Variants in CRACDL observed in about 807,000 individuals in gnomAD.
CRACDL encodes CRACD-like protein.
A neutral mutation model predicts 70.6 loss-of-function variants in CRACDL; 26 were observed. The observed-to-expected ratio is 0.37, with a 90% CI of 0.27 to 0.51. The LOEUF (loss-of-function observed/expected upper bound fraction) is 0.51, where lower values mean the gene tolerates loss of function less well. Among genes scored for constraint, CRACDL ranks in the 20% least tolerant of loss-of-function variants. CRACDL has a pLI of 0.94. For missense variants in CRACDL, 1,283 were observed against 1,376.9 expected, an observed-to-expected ratio of 0.93 and a Z score of 1.08; for synonymous variants, 618 against 615.2, an observed-to-expected ratio of 1.00 and a Z score of -0.07.
intron 7 of CRACDL, among the ~76,000 whole-genome samples, chr2:98,816,360 G>C (rs1489718096): frequency 6.6e-6 from 1 of 152,116 alleles, no homozygotes; most frequent in Non-Finnish European, 1.5e-5. Context: ...TAAAGTGGTA[G>C]GATTACGAGG....
rs1705117945 is a variant in CRACDL at position 98,822,657 on chromosome 2, C to T, written c.1616G>A (p.Arg539His). 1.6e-6 allele frequency: 2 copies of T among 1,290,004 alleles called. No individual in the cohort carries two copies. The highest frequency in any genetic ancestry group is 2.0e-6 in the Non-Finnish European group (2 of 1,023,502). The allele number at this position is 1,290,004 out of a possible 1,614,324, so 79.9% of individuals were successfully genotyped here. ...CGCCTCGGCTCGCTCGGCCTTGGGGCGCTCCGGGGCGGCGGCCTCTGCGTC... is the reference window on the plus strand; with the variant it reads ...CGCCTCGGCTCGCTCGGCCTTGGGGTGCTCCGGGGCGGCGGCCTCTGCGTC... Reference protein sequence around the residue: ...SLDAEAAAPERPKAERAEAPP... With the variant: ...SLDAEAAAPEHPKAERAEAPP... Residue 539 changes from arginine to histidine, a missense_variant, in exon 7 of 10, where the codon CGC becomes CAC. By Grantham distance (29) the Arg-to-His change is conservative. Transcript: ENST00000397899. This position sits in a 1 kb window ranked among gnomAD's most constrained non-coding sequence, Gnocchi z 4.9.
intron 5 of CRACDL, among the ~76,000 whole-genome samples, chr2:98,830,929 G>C (rs926864887): frequency 6.6e-6 from 1 of 152,218 alleles, no homozygotes. Flanking sequence ...GTCCATCTAT[G>C]ATGAGGAAAG....
At chr2:98,798,959 C>T (rs1463525790) in intron 7 of CRACDL, among the ~76,000 whole-genome samples, 2 of 152,184 alleles carry the variant, frequency 1.3e-5, no homozygotes, top group Admixed American at 6.5e-5. Flanking sequence ...GCTGCAATTA[C>T]AGGCGTGAGC....
At chr2:98,809,353 C>T (rs981399702) in intron 7 of CRACDL, among the ~76,000 whole-genome samples, 1 of 151,992 alleles carries the variant, frequency 6.6e-6, no homozygotes, top group African/African-American at 2.4e-5. Context: ...CTCATTGTCC[C>T]CTTGTCCTCT....
At chr2:98,840,505 CT>C (rs991645425) in intron 2 of CRACDL, among the ~76,000 whole-genome samples, 4 of 151,920 alleles carry the variant, frequency 2.6e-5, no homozygotes, top group African/African-American at 7.3e-5. Context: ...AGAACAAAAT[CT>C]TTTTTTTAAA....
intron 2 of CRACDL, among the ~76,000 whole-genome samples, chr2:98,843,225 C>T (rs1706115097): frequency 6.6e-6 from 1 of 152,002 alleles, no homozygotes; most frequent in Non-Finnish European, 1.5e-5. Context: ...AAAATTTGCT[C>T]CCCATTTTGT....
At chr2:98,803,279 C>T (rs1029816552) in intron 7 of CRACDL, among the ~76,000 whole-genome samples, 8 of 152,058 alleles carry the variant, frequency 5.3e-5, no homozygotes, top group African/African-American at 1.9e-4. Flanking sequence ...GGATTACAGG[C>T]ATGAGCCACT....
intron 1 of CRACDL, among the ~76,000 whole-genome samples, chr2:98,919,307 C>T (rs1031778850): frequency 9.2e-5 from 14 of 152,110 alleles, no homozygotes; most frequent in East Asian, 5.8e-4. Flanking sequence ...CTTGGCTCTT[C>T]GGATTCTTTT....
chr2:98,842,868 TTGTG>T (rs67398751), intron 2 of CRACDL, among the ~76,000 whole-genome samples: 5,408 of 144,932 alleles, frequency 0.037, 131 homozygotes, highest in East Asian at 0.094. Flanking sequence ...TTGCTATAGT[TTGTG>T]TGTGTGTGTG....
intron 5 of CRACDL, among the ~76,000 whole-genome samples, chr2:98,831,241 C>T (rs557841608): frequency 6.6e-6 from 1 of 152,320 alleles, no homozygotes; most frequent in South Asian, 2.1e-4. Flanking sequence ...CTCTAGCCGG[C>T]TTCATGTCAG....
intron 3 of CRACDL, among the ~76,000 whole-genome samples, chr2:98,836,155 A>G (rs1463192763): frequency 6.6e-6 from 1 of 152,254 alleles, no homozygotes; most frequent in Non-Finnish European, 1.5e-5. Context: ...AAATCGTTAT[A>G]GATTAACAGA....
intron 1 of CRACDL, among the ~76,000 whole-genome samples, chr2:98,871,997 G>T (rs1245608080): frequency 2.6e-5 from 4 of 152,208 alleles, no homozygotes. Context: ...CCATAAAAAA[G>T]AATGAAATCA....
intron 1 of CRACDL, among the ~76,000 whole-genome samples, chr2:98,872,502 AT>A (rs1253186052): frequency 6.6e-6 from 1 of 152,230 alleles, no homozygotes; most frequent in Non-Finnish European, 1.5e-5. Context: ...AATGTGGACT[AT>A]TTGGGTGATG....
At chr2:98,845,195 TTCTTC>T (rs1048154918) in intron 2 of CRACDL, among the ~76,000 whole-genome samples, 1 of 109,830 alleles carries the variant, frequency 9.1e-6, no homozygotes, top group Non-Finnish European at 1.9e-5. Context: ...TTCTTTCTTC[TTCTTC>T]TTTTTTTTTT....
chr2:98,804,491 A>G (rs965749148), intron 7 of CRACDL, among the ~76,000 whole-genome samples: 3 of 152,244 alleles, frequency 2.0e-5, no homozygotes, highest in Non-Finnish European at 2.9e-5. Flanking sequence ...GCTGAGGTCA[A>G]GCAGTGATGC....
chr2:98,874,667 T>G (rs1010715143), intron 1 of CRACDL, among the ~76,000 whole-genome samples: 1 of 152,224 alleles, frequency 6.6e-6, no homozygotes, highest in African/African-American at 2.4e-5. Context: ...GGAAGGTTTT[T>G]GGGCAAGGAA....
intron 1 of CRACDL, among the ~76,000 whole-genome samples, chr2:98,894,752 C>T (rs913699559): frequency 1.4e-4 from 22 of 152,072 alleles, no homozygotes; most frequent in African/African-American, 5.3e-4. Context: ...TTATGATCTC[C>T]CTAAGCAGAA....
chr2:98,884,499 C>T (rs1430345629), intron 1 of CRACDL, among the ~76,000 whole-genome samples: 1 of 152,230 alleles, frequency 6.6e-6, no homozygotes, highest in African/African-American at 2.4e-5. Flanking sequence ...TCACTGCCAC[C>T]TGACCCAACT....
chr2:98,897,872 C>T (rs1458531973), intron 1 of CRACDL, among the ~76,000 whole-genome samples: 2 of 152,184 alleles, frequency 1.3e-5, no homozygotes, highest in African/African-American at 2.4e-5. Flanking sequence ...GCGGACAGTC[C>T]CAGGAGATCC....
Sources: gnomAD v4.1 joint callset for allele counts (sites outside exome capture counted in the v4.1 genomes callset) on GRCh38, gnomAD v4.1.1 for gene constraint, Gnocchi (gnomAD v3.1) non-coding constraint, MANE v1.5 for transcripts, NCBI Gene and HGNC (gene_info 2026-07-23, HGNC 2026-07-21) for gene names.